EPHA7: variants seen among roughly 807,000 people sequenced by gnomAD.
The protein encoded by EPHA7 is EPH receptor A7.
Under a neutral mutation model 112.6 loss-of-function variants are expected in EPHA7, and 25 were observed. That is an observed-to-expected ratio of 0.22 (90% CI 0.16 to 0.31). The LOEUF (loss-of-function observed/expected upper bound fraction) is 0.31. Among genes scored for constraint, EPHA7 ranks in the 10% least tolerant of loss-of-function variants. The pLI is 1.00. For missense variants in EPHA7, 962 were observed against 1,212.6 expected (o/e 0.79, Z 3.07); for synonymous variants, 437 against 406.5 (o/e 1.07, Z -0.90).
intron 3 of EPHA7, among the ~76,000 whole-genome samples, chr6:93,391,727 A>G (rs1777916523): frequency 6.6e-6 from 1 of 151,922 alleles, no homozygotes; most frequent in South Asian, 2.1e-4. Context: ...GAGAGGGAGA[A>G]ACAGAGGAAG....
At chr6:93,329,915 CTAAT>C (rs1774509851) in intron 5 of EPHA7, among the ~76,000 whole-genome samples, 1 of 150,946 alleles carries the variant, frequency 6.6e-6, no homozygotes, top group Non-Finnish European at 1.5e-5. Flanking sequence ...AACAAGAATA[CTAAT>C]TAATTATTAG....
rs551308516 is a variant in EPHA7, at chr6:93,258,060, C to CA, written c.2110+38dup. 6.4e-4 allele frequency: 992 copies of CA among 1,552,386 alleles called. 4 individuals are homozygous for CA. In the African/African-American group the frequency reaches 0.012, roughly 18 times the overall value. ...CATAATAATACTAATTTCTGACACT[C>CA]AGTCTTTTTGATAAAATAAAGATAT... On this transcript the variant is annotated intron_variant, in intron 11 of 16. Transcript: ENST00000369303.
At chr6:93,384,412 T>C (rs1183367285) in intron 3 of EPHA7, among the ~76,000 whole-genome samples, 1 of 152,220 alleles carries the variant, frequency 6.6e-6, no homozygotes, top group African/African-American at 2.4e-5. Flanking sequence ...TTAATCATTA[T>C]GCCCTCCTTA....
chr6:93,291,745 G>A (rs1772385519), intron 5 of EPHA7, among the ~76,000 whole-genome samples: 1 of 124,500 alleles, frequency 8.0e-6, no homozygotes, highest in Admixed American at 9.7e-5. Context: ...TCCAGCCTGG[G>A]CGACAGAGCG....
intron 3 of EPHA7, among the ~76,000 whole-genome samples, chr6:93,371,582 A>G (rs1582616118): frequency 6.6e-6 from 1 of 152,330 alleles, no homozygotes; most frequent in Non-Finnish European, 1.5e-5. Flanking sequence ...TTCAATCTGA[A>G]AGAATTTAGA....
intron 2 of EPHA7, among the ~76,000 whole-genome samples, chr6:93,412,865 G>A (rs745759418): frequency 3.4e-4 from 52 of 151,964 alleles, no homozygotes; most frequent in Non-Finnish European, 6.2e-4. Flanking sequence ...ATCTAACTTC[G>A]AGAACAAATT....
At chr6:93,258,008 A>C in intron 11 of EPHA7, 91 bp downstream of exon 11, 1 of 1,232,332 alleles carries the variant, frequency 8.1e-7, no homozygotes. Flanking sequence ...ACTGTGCAAC[A>C]TATTTCATAA....
At chr6:93,303,527 C>A (rs1773100521) in intron 5 of EPHA7, among the ~76,000 whole-genome samples, 2 of 152,068 alleles carry the variant, frequency 1.3e-5, no homozygotes, top group Admixed American at 1.3e-4. Context: ...TTGTTGATGG[C>A]TGCATTTTTA....
chr6:93,314,656 A>G (rs1050710451), intron 5 of EPHA7, among the ~76,000 whole-genome samples: 1 of 152,126 alleles, frequency 6.6e-6, no homozygotes, highest in Non-Finnish European at 1.5e-5. Context: ...GTGGGAATAT[A>G]AAAAAATCAA....
At chr6:93,411,337 G>C (rs1778968636) in intron 2 of EPHA7, among the ~76,000 whole-genome samples, 167 bp from the exon 3 acceptor site, 1 of 152,084 alleles carries the variant, frequency 6.6e-6, no homozygotes, top group Admixed American at 6.6e-5. Context: ...GCTTCATCCT[G>C]GTGGTGGAAC....
intron 5 of EPHA7, among the ~76,000 whole-genome samples, chr6:93,278,770 A>G (rs549840655): frequency 1.9e-4 from 29 of 151,922 alleles, no homozygotes; most frequent in African/African-American, 7.0e-4. Context: ...ATTAAGTAGC[A>G]TCATCTCAGA....
At chr6:93,369,218 T>A (rs989807516) in intron 3 of EPHA7, among the ~76,000 whole-genome samples, 5 of 131,862 alleles carry the variant, frequency 3.8e-5, no homozygotes, top group African/African-American at 1.2e-4. Flanking sequence ...ACACACACAC[T>A]TGCAAGATAC....
At chr6:93,289,080 T>A (rs955063493) in intron 5 of EPHA7, among the ~76,000 whole-genome samples, 1 of 151,248 alleles carries the variant, frequency 6.6e-6, no homozygotes, top group Non-Finnish European at 1.5e-5. Context: ...CCCTCTTGGA[T>A]AGGAAGCTTT....
At chr6:93,387,002 T>C (rs548955590) in intron 3 of EPHA7, among the ~76,000 whole-genome samples, 343 of 152,276 alleles carry the variant, frequency 2.3e-3, no homozygotes, top group Admixed American at 3.6e-3. Flanking sequence ...TGAAGGTCTC[T>C]GACATACCCT....
chr6:93,403,709 G>A (rs1476772423), intron 3 of EPHA7, among the ~76,000 whole-genome samples: 3 of 151,118 alleles, frequency 2.0e-5, no homozygotes, highest in Middle Eastern at 3.4e-3. Context: ...CAGGGTATAC[G>A]TGGTATTTAA....
chr6:93,370,989 C>CAA (rs1231694778), intron 3 of EPHA7, among the ~76,000 whole-genome samples: 20 of 90,070 alleles, frequency 2.2e-4, no homozygotes, highest in African/African-American at 6.0e-4. Context: ...ACGAAAAATA[C>CAA]AAAAAAAAAA....
At chr6:93,283,047 T>G (rs998828686) in intron 5 of EPHA7, among the ~76,000 whole-genome samples, 1 of 152,100 alleles carries the variant, frequency 6.6e-6, no homozygotes, top group Admixed American at 6.5e-5. Flanking sequence ...GCGGGATCCA[T>G]TGGGTGAAGC....
At chr6:93,272,196 A>G in intron 6 of EPHA7, 102 bp downstream of exon 6, 1 of 1,314,456 alleles carries the variant, frequency 7.6e-7, no homozygotes, top group Non-Finnish European at 1.1e-6. Context: ...AGTTTGAAGT[A>G]GCTCCAAATT....
intron 3 of EPHA7, among the ~76,000 whole-genome samples, chr6:93,392,415 A>G (rs1427726266): frequency 6.6e-6 from 1 of 151,912 alleles, no homozygotes; most frequent in African/African-American, 2.4e-5. Context: ...TATAGGAACT[A>G]CTGATTTATT....
Sources: gnomAD v4.1 joint callset for allele counts (sites outside exome capture counted in the v4.1 genomes callset) on GRCh38, gnomAD v4.1.1 for gene constraint, MANE v1.5 for transcripts, NCBI Gene and HGNC (gene_info 2026-07-23, HGNC 2026-07-21) for gene names.